CMTM8: variants seen among roughly 807,000 people sequenced by gnomAD.
CMTM8 encodes the protein CKLF like MARVEL transmembrane domain containing 8.
Under a neutral mutation model 18.6 loss-of-function variants are expected in CMTM8, and 12 were observed. The ratio of observed to expected loss-of-function variants is 0.65; its 90% CI spans 0.41 to 1.05. The LOEUF (loss-of-function observed/expected upper bound fraction) is 1.05. CMTM8 is among the 50% of genes least tolerant of loss of function. The pLI, the probability that CMTM8 is intolerant of heterozygous loss-of-function variation, is 0.00. For synonymous variants in CMTM8, 87 were observed against 90.6 expected (o/e 0.96, Z 0.23); for missense variants, 217 against 227.2 (o/e 0.95, Z 0.29).
At chr3:32,338,781 C>T (rs1224626556) in intron 1 of CMTM8, among the ~76,000 whole-genome samples, 1 of 152,192 alleles carries the variant, frequency 6.6e-6, no homozygotes, top group African/African-American at 2.4e-5. Context: ...TGTTATCACT[C>T]ACGGTGTCTG....
intron 1 of CMTM8, among the ~76,000 whole-genome samples, chr3:32,289,113 CAG>C (rs1702736864): frequency 1.3e-5 from 2 of 152,250 alleles, no homozygotes; most frequent in South Asian, 4.1e-4. Context: ...TGTGATGAAC[CAG>C]AGATTGAAAC....
intron 1 of CMTM8, among the ~76,000 whole-genome samples, chr3:32,316,719 T>C (rs1032216830): frequency 6.6e-6 from 1 of 152,196 alleles, no homozygotes; most frequent in Non-Finnish European, 1.5e-5. Flanking sequence ...CCAGATTTAT[T>C]CAGGGGAAAT....
chr3:32,365,095 G>A (rs886408243), intron 2 of CMTM8, among the ~76,000 whole-genome samples: 3 of 152,096 alleles, frequency 2.0e-5, no homozygotes, highest in South Asian at 2.1e-4. Flanking sequence ...CTGTCACCCC[G>A]AGGCTGCCAG....
chr3:32,312,878 T>G (rs185016612), intron 1 of CMTM8, among the ~76,000 whole-genome samples: 2 of 151,878 alleles, frequency 1.3e-5, no homozygotes, highest in African/African-American at 4.8e-5. Flanking sequence ...ATAACAAGAC[T>G]TTTTTTCACC....
At chr3:32,269,781 AT>A (rs1702408709) in intron 1 of CMTM8, among the ~76,000 whole-genome samples, 1 of 152,082 alleles carries the variant, frequency 6.6e-6, no homozygotes, top group Non-Finnish European at 1.5e-5. Context: ...CCCATATACA[AT>A]TTATTTGTTT....
At chr3:32,309,604 G>A (rs1193494573) in intron 1 of CMTM8, among the ~76,000 whole-genome samples, 1 of 152,086 alleles carries the variant, frequency 6.6e-6, no homozygotes, top group East Asian at 1.9e-4. Flanking sequence ...ACCATACCTG[G>A]CCAACCAATT....
intron 1 of CMTM8, among the ~76,000 whole-genome samples, chr3:32,349,287 C>T (rs1386569784): frequency 6.6e-6 from 1 of 152,110 alleles, no homozygotes; most frequent in Middle Eastern, 3.4e-3. Context: ...GAAGATTGAC[C>T]TGGCTGGGCT....
intron 1 of CMTM8, among the ~76,000 whole-genome samples, chr3:32,315,950 C>T (rs1012260319): frequency 4.0e-5 from 6 of 151,192 alleles, no homozygotes; most frequent in African/African-American, 1.5e-4. Context: ...ACTAGACATC[C>T]TCTGGAAAGT....
At chr3:32,247,164 G>T (rs910582624) in intron 1 of CMTM8, among the ~76,000 whole-genome samples, 11 of 152,158 alleles carry the variant, frequency 7.2e-5, no homozygotes, top group Non-Finnish European at 1.0e-4. Flanking sequence ...ATTGTTTAGT[G>T]TAGAGTTCTA....
At chr3:32,273,823 G>A (rs140755045) in intron 1 of CMTM8, among the ~76,000 whole-genome samples, 11 of 152,106 alleles carry the variant, frequency 7.2e-5, no homozygotes, top group South Asian at 2.1e-4. Context: ...CACTTTAAAC[G>A]GTGAATTTTA....
rs140270969 is a variant in CMTM8 at position 32,361,286 on chromosome 3, G to GTTTGTTT, written c.321+3743_321+3744insGTTTTTT. 2.9e-4 allele frequency among the ~76,000 whole-genome samples: 25 copies of GTTTGTTT among 87,262 alleles called. 1 individual carries two copies. Among genetic ancestry groups the GTTTGTTT allele is most frequent in the Non-Finnish European group, 4.8e-4 (20 of 41,958 alleles). 57.2% of individuals were successfully genotyped at this position (87,262 alleles called of 152,430 possible). On this transcript the variant is annotated intron_variant, in intron 2 of 3. Transcript: ENST00000307526. ...GTGAGCCACGGCGCCCAGCCTAAGA[G>GTTTGTTT]TTTTTTTTTCTTTCAAATTTTGGAA... is the stretch of plus-strand genomic sequence containing the variant.
intron 1 of CMTM8, among the ~76,000 whole-genome samples, chr3:32,287,888 T>C (rs1702711277): frequency 6.6e-6 from 1 of 152,126 alleles, no homozygotes; most frequent in African/African-American, 2.4e-5. Context: ...AATCTGGAAA[T>C]ATGTTCATAT....
intron 1 of CMTM8, among the ~76,000 whole-genome samples, chr3:32,245,821 A>T (rs1702007690): frequency 6.6e-6 from 1 of 152,128 alleles, no homozygotes; most frequent in South Asian, 2.1e-4. Flanking sequence ...TTACTTTGAG[A>T]TAGAGTCTTG....
intron 1 of CMTM8, among the ~76,000 whole-genome samples, chr3:32,253,490 G>A (rs532647749): frequency 9.2e-4 from 139 of 151,670 alleles, no homozygotes; most frequent in Admixed American, 1.3e-3. Context: ...GATTACAGTC[G>A]TCCGCCATCA....
At chr3:32,309,771 T>G (rs1695786298) in intron 1 of CMTM8, among the ~76,000 whole-genome samples, 1 of 152,224 alleles carries the variant, frequency 6.6e-6, no homozygotes, top group South Asian at 2.1e-4. Flanking sequence ...GAACAGATGT[T>G]CATACCCTGT....
At chr3:32,319,621 G>T (rs1696004697) in intron 1 of CMTM8, among the ~76,000 whole-genome samples, 3 of 152,090 alleles carry the variant, frequency 2.0e-5, no homozygotes, top group Admixed American at 2.0e-4. Context: ...ATGTTAAGTG[G>T]TCCTTTTCAA....
At chr3:32,332,417 C>G (rs1049983743) in intron 1 of CMTM8, among the ~76,000 whole-genome samples, 12 of 151,260 alleles carry the variant, frequency 7.9e-5, no homozygotes, top group Non-Finnish European at 1.8e-4. Flanking sequence ...GAATCTCAAG[C>G]AAAATCACAG....
chr3:32,363,990 T>C (rs1467966878), intron 2 of CMTM8, among the ~76,000 whole-genome samples: 8 of 152,176 alleles, frequency 5.3e-5, no homozygotes. Flanking sequence ...CAAGCATGAG[T>C]GTCTCTTCCA....
chr3:32,310,216 A>G (rs1029113952), intron 1 of CMTM8, among the ~76,000 whole-genome samples: 3 of 151,644 alleles, frequency 2.0e-5, no homozygotes, highest in Non-Finnish European at 2.9e-5. Context: ...GAAATTAGGT[A>G]CTCAACTGTA....
Sources: gnomAD v4.1 joint callset for allele counts (sites outside exome capture counted in the v4.1 genomes callset) on GRCh38, gnomAD v4.1.1 for gene constraint, MANE v1.5 for transcripts, NCBI Gene and HGNC (gene_info 2026-07-23, HGNC 2026-07-21) for gene names.